MTF2: variants seen among roughly 807,000 people sequenced by gnomAD.
MTF2 encodes the protein metal-response element-binding transcription factor 2.
Under a neutral mutation model 79.5 loss-of-function variants are expected in MTF2, and 11 were observed. The observed-to-expected ratio is 0.14, with a 90% confidence interval of 0.09 to 0.23. The LOEUF is 0.23. MTF2 is among the 10% of genes least tolerant of loss of function. The pLI is 1.00. For synonymous variants in MTF2, 208 were observed against 232.8 expected, an observed-to-expected ratio of 0.89 and a Z score of 0.97; for missense variants, 486 against 711.2, an observed-to-expected ratio of 0.68 and a Z score of 3.60.
chr1:93,134,146 G>A lies in MTF2; in HGVS notation c.1375G>A (p.Ala459Thr). The A allele has an allele frequency of 6.2e-7, 1 of 1,613,646 alleles. No homozygotes were observed. Among genetic ancestry groups the A allele is most frequent in the Non-Finnish European group, 8.5e-7 (1 of 1,179,714 alleles). ...SNTSDVDFTG[A>T]SSAKETTSSS... is the part of the protein sequence containing the mutation. Reference sequence around the variant, plus strand: ...TACCTCAGATGTGGATTTCACGGGTGCTTCCAGTGCAAAAGAAACTACCTC... The same window carrying A: ...TACCTCAGATGTGGATTTCACGGGTACTTCCAGTGCAAAAGAAACTACCTC... Residue 459 changes from alanine (A) to threonine (T), a missense_variant, in exon 14 of 15, where the codon GCT (alanine) becomes ACT (threonine). Physicochemically the swap from Ala to Thr is moderately conservative, Grantham distance 58 (BLOSUM62 0). Around this residue, in one of 4 missense-constraint regions of MTF2, gnomAD observed 209 missense variants for 206.5 expected, o/e 1.01. Coordinates refer to ENST00000370298, the MANE Select transcript of MTF2 (RefSeq NM_007358.4).
At chr1:93,134,004 C>A in intron 13 of MTF2, 24 bp downstream of exon 13, 1 of 1,562,188 alleles carries the variant, frequency 6.4e-7, no homozygotes, top group South Asian at 1.2e-5. Context: ...TATTTTCTCC[C>A]TTTCTAGGTT....
At chr1:93,087,372 A>G (rs1654889413) in intron 1 of MTF2, among the ~76,000 whole-genome samples, 1 of 152,122 alleles carries the variant, frequency 6.6e-6, no homozygotes. Context: ...GGGAGTTCAA[A>G]ACCAGCGTGA....
At position 93,134,097 on chromosome 1, in the gene MTF2, T is replaced by G. The variant is rs997101514; in HGVS notation, c.1326T>G (p.Thr442=). 6.2e-7 allele frequency: 1 copy of G among 1,609,374 alleles called. No individual in the cohort carries two copies. The highest frequency in any genetic ancestry group is 1.3e-5 in the African/African-American group (1 of 74,690). Residue 442 remains threonine (T), a synonymous_variant, in exon 14 of 15, where the codon ACT becomes ACG. Coordinates refer to ENST00000370298, the MANE Select transcript of MTF2 (RefSeq NM_007358.4). ...TTAAATTCTTTTGTCTCAGGAGAACTGAGGGAACTGCACATTCATCCAATA... is the reference window on the plus strand; with the variant it reads ...TTAAATTCTTTTGTCTCAGGAGAACGGAGGGAACTGCACATTCATCCAATA... The part of the protein sequence containing the change: ...TLDLPCSIGR[T]EGTAHSSNTS...
At chr1:93,113,444 T>C (rs1656117748) in intron 3 of MTF2, among the ~76,000 whole-genome samples, 1 of 151,602 alleles carries the variant, frequency 6.6e-6, no homozygotes, top group Admixed American at 6.6e-5. Flanking sequence ...AACAAACAAA[T>C]AAATAGCAGA....
At chr1:93,132,921 T>C (rs1571255827) in intron 11 of MTF2, among the ~76,000 whole-genome samples, 1 of 152,274 alleles carries the variant, frequency 6.6e-6, no homozygotes, top group Admixed American at 6.5e-5. Context: ...CCATATTATC[T>C]AATATCATCT....
At position 93,119,313 on chromosome 1, in the gene MTF2, C is replaced by CAT; in HGVS notation, c.729-20_729-19insAT. ...CTGATGACTCAGTATAAAACTTTTT[C>CAT]TTTTTTTTTTTTTTCTTAGATTTTA... On this transcript the variant is annotated intron_variant, in intron 7 of 14. Coordinates refer to ENST00000370298, the MANE Select transcript of MTF2 (RefSeq NM_007358.4). The CAT allele has an allele frequency of 7.7e-7, 1 of 1,295,020 alleles. No homozygotes were observed. The highest frequency in any genetic ancestry group is 1.0e-6 in the Non-Finnish European group (1 of 955,904). The allele number at this position is 1,295,020 out of a possible 1,614,324, so 80.2% of individuals were successfully genotyped here. A position where few individuals can be genotyped will look rare whatever the true frequency, so the allele number is the denominator to read the frequency against.
intron 11 of MTF2, among the ~76,000 whole-genome samples, chr1:93,131,965 T>C (rs965084113): frequency 1.3e-5 from 2 of 152,094 alleles, no homozygotes; most frequent in South Asian, 2.1e-4. Context: ...CGATGAAATA[T>C]AAGGTAAAGA....
intron 9 of MTF2, among the ~76,000 whole-genome samples, chr1:93,126,470 T>A (rs576857913): frequency 2.2e-5 from 2 of 89,640 alleles, no homozygotes; most frequent in African/African-American, 4.1e-5. Flanking sequence ...ACTGTGATAT[T>A]TTGGAAGCAG....
chr1:93,083,241 G>C (rs1469529479), intron 1 of MTF2, among the ~76,000 whole-genome samples: 2 of 152,078 alleles, frequency 1.3e-5, no homozygotes, highest in Non-Finnish European at 2.9e-5. Flanking sequence ...AACAGCAGGG[G>C]GGAAAATCTG....
intron 1 of MTF2, among the ~76,000 whole-genome samples, chr1:93,094,871 A>G (rs921567311): frequency 2.6e-5 from 4 of 152,218 alleles, no homozygotes; most frequent in Non-Finnish European, 5.9e-5. Flanking sequence ...ATATTTATAG[A>G]GAAAGTTTAC....
intron 1 of MTF2, among the ~76,000 whole-genome samples, chr1:93,093,811 G>A (rs1307470336): frequency 6.6e-6 from 1 of 152,068 alleles, no homozygotes; most frequent in African/African-American, 2.4e-5. Flanking sequence ...AGGCTCAAGC[G>A]ATCCTCCTGC....
Position 93,133,746 on chromosome 1 carries a change from G to T in MTF2, c.1204G>T (p.Val402Leu). Residue 402 changes from valine (V) to leucine (L), a missense_variant, in exon 12 of 15, where the codon GTA becomes TTA. Physicochemically the swap from Val to Leu is conservative, Grantham distance 32. This residue lies in a region of MTF2 where 209 missense variants were observed against 206.5 expected (regional missense o/e 1.01). Transcript: ENST00000370298. ...GIEKKGKKKS[V>L]GRPPGPYTRK... ...AGAAAAAAAAGGAAAGAAAAAATCTGTAGGTCGTCCACCTGGCCCATATAC... is the reference window on the plus strand; with the variant it reads ...AGAAAAAAAAGGAAAGAAAAAATCTTTAGGTCGTCCACCTGGCCCATATAC... The T allele has an allele frequency of 6.2e-7, 1 of 1,612,272 alleles. No homozygotes were observed. The highest frequency in any genetic ancestry group is 1.1e-5 in the South Asian group (1 of 90,868).
intron 1 of MTF2, among the ~76,000 whole-genome samples, chr1:93,103,179 A>G (rs115024240): frequency 1.2e-3 from 180 of 151,984 alleles, no homozygotes; most frequent in Admixed American, 2.1e-3. Flanking sequence ...TTGATGGTTC[A>G]TTATACTTGT....
chr1:93,124,913 G>C (rs12069262), intron 9 of MTF2, among the ~76,000 whole-genome samples: 1 of 151,890 alleles, frequency 6.6e-6, no homozygotes, highest in Non-Finnish European at 1.5e-5. Context: ...TTCTAATGTA[G>C]ATTATCTGAT....
At chr1:93,117,690 C>T (rs924067439) in intron 6 of MTF2, among the ~76,000 whole-genome samples, 3 of 152,042 alleles carry the variant, frequency 2.0e-5, no homozygotes, top group African/African-American at 7.2e-5. Context: ...ACAACAGTAC[C>T]TCTGAATCTG....
chr1:93,090,726 C>G (rs373548970), intron 1 of MTF2, among the ~76,000 whole-genome samples: 1 of 149,862 alleles, frequency 6.7e-6, no homozygotes, highest in African/African-American at 2.5e-5. Flanking sequence ...TGCAGTGGCA[C>G]GATCTCGGCT....
intron 1 of MTF2, among the ~76,000 whole-genome samples, chr1:93,104,252 C>G (rs949143095): frequency 5.3e-5 from 8 of 151,880 alleles, no homozygotes; most frequent in African/African-American, 1.9e-4. Context: ...AATGATCTCT[C>G]TATTAATGCA....
chr1:93,097,556 A>T (rs1205278593), intron 1 of MTF2, among the ~76,000 whole-genome samples: 1 of 152,118 alleles, frequency 6.6e-6, no homozygotes, highest in Admixed American at 6.6e-5. Context: ...GTATCCAGGG[A>T]TGTTTTAAAA....
intron 1 of MTF2, among the ~76,000 whole-genome samples, chr1:93,108,606 ATTTTTTTTT>A (rs35393630): frequency 1.9e-5 from 2 of 103,498 alleles, no homozygotes; most frequent in Non-Finnish European, 4.1e-5. Context: ...TGCTTTCAAG[ATTTTTTTTT>A]TTTTTTTTTT....
Sources: allele counts gnomAD v4.1 joint callset (sites outside exome capture counted in the v4.1 genomes callset), GRCh38; gene constraint gnomAD v4.1.1; regional missense constraint gnomAD v4.1.1; transcripts MANE v1.5; gene names NCBI Gene and HGNC (gene_info 2026-07-23, HGNC 2026-07-21).